PADI2: variants seen among roughly 807,000 people sequenced by gnomAD.
The protein encoded by PADI2 is protein-arginine deiminase type-2.
Under a neutral mutation model 81.1 loss-of-function variants are expected in PADI2, and 70 were observed. The observed-to-expected ratio is 0.86, with a 90% CI of 0.71 to 1.05. PADI2 has a LOEUF of 1.05. Ranked by LOEUF, PADI2 falls within the 50% of genes least tolerant of loss-of-function variation. The probability of loss-of-function intolerance (pLI) is 0.00; values close to 1 mark genes in which losing one functional copy is unlikely to be tolerated. For missense variants in PADI2, 853 were observed against 889.9 expected, an observed-to-expected ratio of 0.96 and a Z score of 0.53; for synonymous variants, 338 against 358.0, an observed-to-expected ratio of 0.94 and a Z score of 0.63.
chr1:17,109,472 CACT>C (rs1931500301), intron 1 of PADI2, among the ~76,000 whole-genome samples: 1 of 150,130 alleles, frequency 6.7e-6, no homozygotes, highest in Admixed American at 6.6e-5. Flanking sequence ...TAACCAGAGC[CACT>C]ACTACTACTA....
intron 6 of PADI2, among the ~76,000 whole-genome samples, chr1:17,090,849 G>A (rs1930666558): frequency 6.6e-6 from 1 of 151,996 alleles, no homozygotes; most frequent in Non-Finnish European, 1.5e-5. Context: ...AACCAGACCA[G>A]TCCACTCCCT....
At chr1:17,111,901 G>T (rs1156512961) in intron 1 of PADI2, among the ~76,000 whole-genome samples, 3 of 152,196 alleles carry the variant, frequency 2.0e-5, no homozygotes, top group African/African-American at 7.2e-5. Flanking sequence ...CTGGAAAGAG[G>T]GGAGTGTGTC....
intron 1 of PADI2, among the ~76,000 whole-genome samples, chr1:17,109,485 A>G (rs1931500821): frequency 7.0e-6 from 1 of 142,710 alleles, no homozygotes; most frequent in African/African-American, 2.6e-5. Flanking sequence ...TACTACTACT[A>G]TTGTTTATTT....
chr1:17,091,310 C>T (rs1055519768), intron 6 of PADI2, among the ~76,000 whole-genome samples: 2 of 149,756 alleles, frequency 1.3e-5, no homozygotes, highest in African/African-American at 4.9e-5. Context: ...CATGCAGAAG[C>T]CTCCTCCCGC....
intron 10 of PADI2, among the ~76,000 whole-genome samples, chr1:17,080,354 C>G (rs2078334646): frequency 6.6e-6 from 1 of 152,146 alleles, no homozygotes; most frequent in South Asian, 2.1e-4. Flanking sequence ...CCACAGGAGC[C>G]CCCACGTGTG....
intron 1 of PADI2, among the ~76,000 whole-genome samples, chr1:17,114,144 C>T (rs569376476): frequency 9.8e-5 from 15 of 152,346 alleles, no homozygotes; most frequent in African/African-American, 2.6e-4. Flanking sequence ...CAGGAGCAAG[C>T]GCTGCTCGGG....
rs1321721138 is a variant in PADI2 at position 17,115,886 on chromosome 1, T to A, written c.92+3394A>T. On this transcript the variant is annotated intron_variant, in intron 1 of 15. Transcript: ENST00000375486. The surrounding 1 kb of genome is among the most constrained non-coding windows in gnomAD (Gnocchi z 4.1). Reference sequence around the variant, plus strand: ...CACCCTACTTCCTTCTTTCTATGTATCTATTCATTGCTTGCTGGAGACTAG... The same window carrying A: ...CACCCTACTTCCTTCTTTCTATGTAACTATTCATTGCTTGCTGGAGACTAG... 6.6e-6 allele frequency among the ~76,000 whole-genome samples: 1 copy of A among 152,252 alleles called. No homozygotes were observed. The highest frequency in any genetic ancestry group is 1.5e-5 in the Non-Finnish European group (1 of 68,044).
In PADI2 at chr1:17,068,912, C is replaced by T; in HGVS notation, c.*132G>A. On this transcript the variant is annotated 3_prime_UTR_variant, in exon 16 of 16. Transcript: ENST00000375486. ...CTCAGGGAGGGCAAGGCACAGATAC[C>T]CCAAATTCCACCCCACGTCCCAAAG... The T allele has an allele frequency of 1.4e-6, 1 of 721,770 alleles. No individual in the cohort carries two copies. Among genetic ancestry groups the T allele is most frequent in the South Asian group, 1.7e-5 (1 of 59,570 alleles). The allele number at this position is 721,770 out of a possible 1,614,324, so 44.7% of individuals were successfully genotyped here.
At position 17,074,916 on chromosome 1, in the gene PADI2, A is replaced by T. The variant is rs1160136122; in HGVS notation, c.1489T>A (p.Cys497Ser). 1 of 1,613,350 alleles carries T rather than the reference A, an allele frequency of 6.2e-7. No individual in the cohort carries two copies. Residue 497 changes from cysteine (C) to serine (S), a missense_variant, in exon 13 of 16, where the codon TGC (cysteine) becomes AGC (serine). Cys to Ser is a moderately radical substitution (Grantham distance 112). Coordinates refer to ENST00000375486, the MANE Select transcript of PADI2 (RefSeq NM_007365.3). ...FLLLMASTSA[C>S]YKLFREKQKD... ...TGCTTCTCTCGGAAGAGCTTGTAGCAGGCCGAGGTGCTGGCCATGAGTAGC... is the reference window on the plus strand; with the variant it reads ...TGCTTCTCTCGGAAGAGCTTGTAGCTGGCCGAGGTGCTGGCCATGAGTAGC...
At chr1:17,096,729 G>A (rs552519043) in intron 3 of PADI2, among the ~76,000 whole-genome samples, 1 of 152,350 alleles carries the variant, frequency 6.6e-6, no homozygotes, top group Admixed American at 6.5e-5. Flanking sequence ...ACAAGGTGGG[G>A]TTTAGACCCT....
In PADI2 at chr1:17,070,068, T is replaced by C; in HGVS notation, c.1764+20A>G. ...CCCTGTACTGGCATGGGGCGAGGGT[T>C]GGGGTCTGCAGGGCCTCACCATGTT... On this transcript the variant is annotated intron_variant, in intron 15 of 15. Transcript: ENST00000375486. 1 of 1,612,092 alleles carries C rather than the reference T, an allele frequency of 6.2e-7. No homozygotes were observed. The highest frequency in any genetic ancestry group is 8.5e-7 in the Non-Finnish European group (1 of 1,178,752).
chr1:17,110,484 G>A (rs1931536591), intron 1 of PADI2, among the ~76,000 whole-genome samples: 3 of 151,274 alleles, frequency 2.0e-5, no homozygotes, highest in South Asian at 2.1e-4. Context: ...AAAAACAAAC[G>A]AACAAACAAA....
chr1:17,082,152 T>C (rs189910088), intron 10 of PADI2, among the ~76,000 whole-genome samples: 6 of 152,166 alleles, frequency 3.9e-5, no homozygotes, highest in Non-Finnish European at 8.8e-5. Context: ...AACCATAGCC[T>C]CAAAGTGCTG....
intron 1 of PADI2, among the ~76,000 whole-genome samples, chr1:17,118,114 A>G (rs1167953927): frequency 6.6e-6 from 1 of 152,102 alleles, no homozygotes; most frequent in African/African-American, 2.4e-5. Context: ...GAGGGCTGCC[A>G]GGGCTGTGTG....
At position 17,084,585 on chromosome 1, in the gene PADI2, G is replaced by C. The variant is rs747035507; in HGVS notation, c.938+14C>G. 4 of 1,545,684 alleles carry C rather than the reference G, an allele frequency of 2.6e-6. No individual in the cohort carries two copies. Among genetic ancestry groups the C allele is most frequent in the African/African-American group, 2.7e-5 (2 of 73,126 alleles). ...TCTGCCACGCTGCCTCTCCAGGCTG[G>C]GGTCACCCCTTACCAGCACACAAAC... On this transcript the variant is annotated intron_variant, in intron 8 of 15. Coordinates refer to ENST00000375486, the MANE Select transcript of PADI2 (RefSeq NM_007365.3).
At chr1:17,076,813 G>C (rs1183644119) in intron 11 of PADI2, among the ~76,000 whole-genome samples, 1 of 151,688 alleles carries the variant, frequency 6.6e-6, no homozygotes, top group Non-Finnish European at 1.5e-5. Context: ...TCTTGACTTC[G>C]TGATCTGCCC....
At position 17,068,133 on chromosome 1, in the gene PADI2, A is replaced by C. The variant is rs1239614038; in HGVS notation, c.*911T>G. On this transcript the variant is annotated 3_prime_UTR_variant, in exon 16 of 16. Coordinates refer to ENST00000375486, the MANE Select transcript of PADI2 (RefSeq NM_007365.3). ...GGCCTGAATCTGGCTGCTGGCGAACAAGTTCTTGTCTAGCTGCCTGGACAG... is the reference window on the plus strand; with the variant it reads ...GGCCTGAATCTGGCTGCTGGCGAACCAGTTCTTGTCTAGCTGCCTGGACAG... 2 of 152,704 alleles carry C rather than the reference A, an allele frequency of 1.3e-5. No homozygotes were observed. The highest frequency in any genetic ancestry group is 2.9e-5 in the Non-Finnish European group (2 of 68,118). The allele number at this position is 152,704 out of a possible 1,614,324, so 9.5% of individuals were successfully genotyped here. A position where few individuals can be genotyped will look rare whatever the true frequency, so the allele number is the denominator to read the frequency against.
chr1:17,103,828 A>AG (rs1931238086), intron 2 of PADI2, among the ~76,000 whole-genome samples: 1 of 151,402 alleles, frequency 6.6e-6, no homozygotes, highest in African/African-American at 2.4e-5. Flanking sequence ...AAAAAAAAAA[A>AG]AAAAAATTAG....
Position 17,083,793 on chromosome 1 carries a change from A to G in PADI2, c.983T>C (p.Val328Ala). The G allele has an allele frequency of 6.2e-7, 1 of 1,613,634 alleles. No homozygotes were observed. The highest frequency in any genetic ancestry group is 8.5e-7 in the Non-Finnish European group (1 of 1,179,580). The change falls in exon 9 of 16, where the codon GTG becomes GCG. Residue 328 changes from valine (V) to alanine (A), a missense_variant. Coordinates refer to ENST00000375486, the MANE Select transcript of PADI2 (RefSeq NM_007365.3). ...CTTCAGCTCACAGTTGGTTTTCTCC[A>G]CAAGGTTCTTCACCTCTTTCAGGAA... ...YLFLKEVKNL[V>A]EKTNCELKVC... is the part of the protein sequence containing the mutation.
Sources: allele counts gnomAD v4.1 joint callset (sites outside exome capture counted in the v4.1 genomes callset), GRCh38; gene constraint gnomAD v4.1.1; non-coding constraint Gnocchi (gnomAD v3.1); transcripts MANE v1.5; gene names NCBI Gene and HGNC (gene_info 2026-07-23, HGNC 2026-07-21).